Variants in ARHGEF28 observed in about 807,000 individuals in gnomAD.
The protein encoded by ARHGEF28 is Rho guanine nucleotide exchange factor 28.
Under a neutral mutation model 206.6 loss-of-function variants are expected in ARHGEF28, and 152 were observed. The ratio of observed to expected loss-of-function variants is 0.74; its 90% CI spans 0.64 to 0.84. ARHGEF28 has a LOEUF of 0.84. Ranked by LOEUF, ARHGEF28 falls within the 40% of genes least tolerant of loss-of-function variation. The probability of loss-of-function intolerance (pLI) is 0.00; values close to 1 mark genes in which losing one functional copy is unlikely to be tolerated. For missense variants in ARHGEF28, 2,028 were observed against 2,073.2 expected (o/e 0.98, Z 0.42); for synonymous variants, 763 against 776.4 (o/e 0.98, Z 0.29).
rs965610937 is a variant in ARHGEF28, at chr5:73,776,590, C to G, written c.734C>G (p.Ser245Ter). The change falls in exon 6 of 36, where the codon TCA becomes TGA. Residue 245 changes from serine to a stop codon, truncating the protein, a stop_gained. Transcript: ENST00000513042. LOFTEE classifies it high-confidence loss of function. Reference sequence around the variant, plus strand: ...GAAGCCTCCTTGCATTACATTCACTCATCGGAAACGCTGACCCTGACCCTG... The same window carrying G: ...GAAGCCTCCTTGCATTACATTCACTGATCGGAAACGCTGACCCTGACCCTG... ...SEEASLHYIH[S>*]SETLTLTLNH... 2 of 1,613,820 alleles carry G rather than the reference C, an allele frequency of 1.2e-6. No homozygotes were observed. Among genetic ancestry groups the G allele is most frequent in the African/African-American group, 2.7e-5 (2 of 74,904 alleles).
At chr5:73,820,367 G>A (rs1756495054) in intron 9 of ARHGEF28, among the ~76,000 whole-genome samples, 1 of 152,022 alleles carries the variant, frequency 6.6e-6, no homozygotes, top group African/African-American at 2.4e-5. Flanking sequence ...GTGATTTCCT[G>A]GTGACAGTGG....
chr5:73,749,668 C>G (rs553140180), intron 2 of ARHGEF28, among the ~76,000 whole-genome samples, 169 bp from the exon 3 acceptor site: 2 of 152,300 alleles, frequency 1.3e-5, no homozygotes, highest in South Asian at 4.1e-4. Context: ...AGCATCTTCC[C>G]TAATGTCAAA....
rs1011427637 is a variant in ARHGEF28 at position 73,815,244 on chromosome 5, G to A, written c.1025-17094G>A. Among the ~76,000 whole-genome samples the A allele has an allele frequency of 5.4e-5, 8 of 147,984 alleles. No individual in the cohort carries two copies. The East Asian group carries it at 5.9e-4, about 11-fold the overall frequency. ...AGCATGCGCTTATAAAAACAAGCTC[G>A]TACACAAATAGAAAATGCAGTCAAA... On this transcript the variant is annotated intron_variant, in intron 9 of 35. Coordinates refer to ENST00000513042, the MANE Select transcript of ARHGEF28 (RefSeq NM_001177693.2).
At chr5:73,656,599 T>C (rs62357682) in intron 1 of ARHGEF28, among the ~76,000 whole-genome samples, 2,231 of 152,306 alleles carry the variant, frequency 0.015, 19 homozygotes, top group Middle Eastern at 0.054. Context: ...TTATGGCAAC[T>C]GCATCTAAGC....
intron 9 of ARHGEF28, among the ~76,000 whole-genome samples, chr5:73,812,600 C>G (rs1475656233): frequency 6.6e-6 from 1 of 152,042 alleles, no homozygotes; most frequent in Non-Finnish European, 1.5e-5. Context: ...GAGAAGTGAG[C>G]CTGAGCAGTG....
chr5:73,830,176 G>A (rs577612393), intron 9 of ARHGEF28, among the ~76,000 whole-genome samples: 8 of 152,296 alleles, frequency 5.3e-5, no homozygotes, highest in South Asian at 2.1e-4. Flanking sequence ...AGGTCAGATT[G>A]TGCCACAGAA....
intron 9 of ARHGEF28, among the ~76,000 whole-genome samples, chr5:73,806,246 A>G (rs1186835578): frequency 7.0e-6 from 1 of 142,332 alleles, no homozygotes; most frequent in Non-Finnish European, 1.5e-5. Flanking sequence ...AATATATACT[A>G]TATATCGATA....
intron 9 of ARHGEF28, among the ~76,000 whole-genome samples, chr5:73,802,607 T>A (rs1049260121): frequency 7.2e-5 from 11 of 152,052 alleles, no homozygotes; most frequent in African/African-American, 2.4e-4. Flanking sequence ...TTCAATAAAA[T>A]GATTAGATTA....
At chr5:73,904,106 A>C (rs1762418621) in intron 31 of ARHGEF28, 116 bp from the exon 32 acceptor site, 2 of 961,674 alleles carry the variant, frequency 2.1e-6, no homozygotes, top group Admixed American at 4.1e-5. Flanking sequence ...TAGATAAGGT[A>C]ATCAAGTTTA....
chr5:73,843,796 A>G (rs1224839611), intron 11 of ARHGEF28, among the ~76,000 whole-genome samples: 1 of 152,218 alleles, frequency 6.6e-6, no homozygotes, highest in Non-Finnish European at 1.5e-5. Flanking sequence ...TAAAAATACT[A>G]TACAGCAAAA....
intron 2 of ARHGEF28, among the ~76,000 whole-genome samples, chr5:73,744,952 A>T (rs551186776): frequency 3.0e-4 from 46 of 152,208 alleles, no homozygotes; most frequent in African/African-American, 1.0e-3. Context: ...ATATACACAC[A>T]AAAAACATTA....
intron 28 of ARHGEF28, 41 bp downstream of exon 28, chr5:73,893,329 T>C: frequency 6.8e-7 from 1 of 1,467,896 alleles, no homozygotes; most frequent in Non-Finnish European, 9.1e-7. Context: ...CGTGGTGTTC[T>C]CCTGGGTGTT....
chr5:73,684,974 C>T lies in ARHGEF28; in HGVS notation c.33+90C>T. ...GAAGTGGGGAGAAATGTTTTTCTTG[C>T]TATTGAGTTAAGGCTTTTTAAAAAC... is the stretch of plus-strand genomic sequence containing the variant. On this transcript the variant is annotated intron_variant, in intron 2 of 35. Transcript: ENST00000513042. 7 of 1,393,478 alleles carry T rather than the reference C, an allele frequency of 5.0e-6. No homozygotes were observed. The South Asian group carries it at 7.7e-5, about 15-fold the overall frequency. 86.3% of individuals were successfully genotyped at this position (1,393,478 alleles called of 1,614,324 possible). A position where few individuals can be genotyped will look rare whatever the true frequency, so the allele number is the denominator to read the frequency against.
At chr5:73,870,256 A>G (rs1250868334) in intron 21 of ARHGEF28, 47 bp downstream of exon 21, 1 of 1,565,994 alleles carries the variant, frequency 6.4e-7, no homozygotes, top group Admixed American at 2.0e-5. Flanking sequence ...TGCGGTTCAG[A>G]GAAAAGAACA....
intron 24 of ARHGEF28, among the ~76,000 whole-genome samples, chr5:73,885,036 G>T (rs1326239667): frequency 6.7e-6 from 1 of 150,180 alleles, no homozygotes; most frequent in Non-Finnish European, 1.5e-5. Flanking sequence ...AATGGTCAAA[G>T]AAAATTGTTT....
chr5:73,940,037 A>C (rs1014983534), intron 35 of ARHGEF28, among the ~76,000 whole-genome samples: 10 of 152,122 alleles, frequency 6.6e-5, no homozygotes, highest in African/African-American at 2.4e-4. Context: ...TTGTTCTAAC[A>C]CAAGCTGGTT....
chr5:73,767,676 C>G (rs1307836744), intron 4 of ARHGEF28, among the ~76,000 whole-genome samples: 3 of 152,090 alleles, frequency 2.0e-5, no homozygotes, highest in Admixed American at 1.3e-4. Context: ...GGAAGCAGAG[C>G]ATAAAAGTTT....
intron 9 of ARHGEF28, among the ~76,000 whole-genome samples, chr5:73,822,015 C>T (rs1756624419): frequency 6.6e-6 from 1 of 152,120 alleles, no homozygotes; most frequent in African/African-American, 2.4e-5. Context: ...CCCCCTATGT[C>T]TCTCCCCTAT....
intron 3 of ARHGEF28, among the ~76,000 whole-genome samples, chr5:73,751,619 A>T (rs1327637616): frequency 6.6e-6 from 1 of 152,134 alleles, no homozygotes; most frequent in African/African-American, 2.4e-5. Flanking sequence ...AAAACTTTTT[A>T]TCTTTTTCTT....
Sources: gnomAD v4.1 joint callset for allele counts (sites outside exome capture counted in the v4.1 genomes callset) on GRCh38, gnomAD v4.1.1 for gene constraint, MANE v1.5 for transcripts, NCBI Gene and HGNC (gene_info 2026-07-23, HGNC 2026-07-21) for gene names.